PDZD2: variants seen among roughly 807,000 people sequenced by gnomAD.
PDZD2 encodes the protein PDZ domain containing 2, also known as PDZ domain-containing protein 2.
PDZD2 carries 90 observed loss-of-function variants against 220.7 expected under a neutral mutation model. The ratio of observed to expected loss-of-function variants is 0.41; its 90% CI spans 0.34 to 0.49. The LOEUF (loss-of-function observed/expected upper bound fraction) is 0.49, where lower values mean the gene tolerates loss of function less well. PDZD2 is among the 20% of genes least tolerant of loss of function. The pLI is 0.28. For missense variants in PDZD2, 3,174 were observed against 3,608.5 expected (o/e 0.88, Z 3.08); for synonymous variants, 1,375 against 1,450.5 (o/e 0.95, Z 1.18).
chr5:31,940,877 G>A (rs1267335494), intron 2 of PDZD2, among the ~76,000 whole-genome samples: 1 of 152,154 alleles, frequency 6.6e-6, no homozygotes, highest in Middle Eastern at 3.2e-3. Context: ...TTGTGTTTAT[G>A]TATTGTGTTT....
At chr5:31,784,524 T>G (rs1246607668) in intron 1 of PDZD2, among the ~76,000 whole-genome samples, 2 of 152,178 alleles carry the variant, frequency 1.3e-5, no homozygotes, top group Non-Finnish European at 2.9e-5. Context: ...TACTTATTGA[T>G]GTCATAATGT....
intron 2 of PDZD2, among the ~76,000 whole-genome samples, chr5:31,818,192 G>A (rs1018326133): frequency 6.6e-6 from 1 of 151,884 alleles, no homozygotes; most frequent in African/African-American, 2.4e-5. Context: ...GGCTGGTGTT[G>A]AACTCCTGGG....
At chr5:31,845,357 T>TTCTTATTCCACTACGTCTC (rs1757527973) in intron 2 of PDZD2, among the ~76,000 whole-genome samples, 1 of 152,180 alleles carries the variant, frequency 6.6e-6, no homozygotes, top group Non-Finnish European at 1.5e-5. Context: ...ACCTAGGTCT[T>TTCTTATTCCACTACGTCTC]TCTTATTCCA....
intron 24 of PDZD2, among the ~76,000 whole-genome samples, chr5:32,105,783 G>A (rs922247999): frequency 3.3e-5 from 5 of 152,184 alleles, no homozygotes; most frequent in African/African-American, 1.2e-4. Context: ...ATGAGTAAAT[G>A]GAGAGAGAGA....
intron 5 of PDZD2, among the ~76,000 whole-genome samples, chr5:32,003,227 A>C (rs566502713): frequency 0.013 from 17 of 1,348 alleles, no homozygotes; most frequent in Non-Finnish European, 0.024. Flanking sequence ...CCCACACACC[A>C]ACATATACCT....
At chr5:31,902,153 G>A (rs1174255865) in intron 2 of PDZD2, among the ~76,000 whole-genome samples, 1 of 152,144 alleles carries the variant, frequency 6.6e-6, no homozygotes, top group African/African-American at 2.4e-5. Context: ...ACATTTTGAA[G>A]AACTGCTAAA....
At chr5:31,855,178 C>T (rs1384689113) in intron 2 of PDZD2, 10 of 924,964 alleles carry the variant, frequency 1.1e-5, no homozygotes, top group East Asian at 2.3e-4. Context: ...GGTAGGAAAT[C>T]GGCTTCTCAG....
chr5:31,789,039 A>G (rs1190214588), intron 1 of PDZD2, among the ~76,000 whole-genome samples: 2 of 152,228 alleles, frequency 1.3e-5, no homozygotes, highest in East Asian at 1.9e-4. Context: ...TTATTCAGCT[A>G]TAACAGAATA....
At chr5:31,959,879 T>C (rs1459524626) in intron 2 of PDZD2, among the ~76,000 whole-genome samples, 3 of 152,092 alleles carry the variant, frequency 2.0e-5, no homozygotes, top group African/African-American at 7.2e-5. Flanking sequence ...CATACCTCTC[T>C]CTCAGTTTCT....
At chr5:31,685,318 A>G (rs1295570136) in intron 1 of PDZD2, among the ~76,000 whole-genome samples, 1 of 152,216 alleles carries the variant, frequency 6.6e-6, no homozygotes, top group African/African-American at 2.4e-5. Context: ...CTTTTTATTT[A>G]AAAGCAAGCT....
chr5:31,751,112 C>T (rs911743883), intron 1 of PDZD2, among the ~76,000 whole-genome samples: 13 of 151,990 alleles, frequency 8.6e-5, no homozygotes, highest in African/African-American at 2.2e-4. Flanking sequence ...CGTGGTGGCA[C>T]GCGCCTGTAG....
At chr5:31,940,341 C>G (rs1345300601) in intron 2 of PDZD2, among the ~76,000 whole-genome samples, 1 of 152,198 alleles carries the variant, frequency 6.6e-6, no homozygotes, top group Non-Finnish European at 1.5e-5. Flanking sequence ...ATGGGTGCCT[C>G]ACTGGATAGC....
At chr5:31,670,928 C>G (rs1485457082) in intron 1 of PDZD2, among the ~76,000 whole-genome samples, 1 of 152,044 alleles carries the variant, frequency 6.6e-6, no homozygotes, top group African/African-American at 2.4e-5. Context: ...CAGAATTGCC[C>G]CACCAAGACC....
chr5:31,744,941 T>C lies in PDZD2; in HGVS notation c.-360-53948T>C, dbSNP rs1223720781. On this transcript the variant is annotated intron_variant, in intron 1 of 24. Coordinates refer to ENST00000438447, the MANE Select transcript of PDZD2 (RefSeq NM_178140.4). The stretch of plus-strand genomic sequence containing the variant: ...AAAAAAAATTAGCCGGGCGTGGTGG[T>C]GGGCACCTGTAATCCCAGCTACTCA... Among the ~76,000 whole-genome samples, 5 of 151,998 alleles carry C rather than the reference T, an allele frequency of 3.3e-5. No individual in the cohort carries two copies. In the East Asian group the frequency reaches 5.8e-4, roughly 18 times the overall value.
At chr5:31,877,209 TTTTG>T (rs903417095) in intron 2 of PDZD2, among the ~76,000 whole-genome samples, 61 of 152,198 alleles carry the variant, frequency 4.0e-4, no homozygotes, top group East Asian at 7.7e-4. Context: ...AAAGTTGTTT[TTTTG>T]TTTGTTTGTT....
At chr5:31,884,913 G>A (rs907829161) in intron 2 of PDZD2, among the ~76,000 whole-genome samples, 1 of 152,058 alleles carries the variant, frequency 6.6e-6, no homozygotes, top group Non-Finnish European at 1.5e-5. Flanking sequence ...AAAGTGCTGG[G>A]ATTATAGGTA....
Position 31,817,389 on chromosome 5 carries a change from G to A in PDZD2, c.476+17665G>A, listed in dbSNP as rs1267619964. Among the ~76,000 whole-genome samples, 3 of 151,664 alleles carry A rather than the reference G, an allele frequency of 2.0e-5. No individual in the cohort carries two copies. The East Asian group carries it at 5.9e-4, about 30-fold the overall frequency. On this transcript the variant is annotated intron_variant, in intron 2 of 24. Coordinates refer to ENST00000438447, the MANE Select transcript of PDZD2 (RefSeq NM_178140.4). ...GATCCCTGTAATCCCAGCTACTTGG[G>A]AGGCTGAGGTGGGAGGATCCCTTGA...
intron 1 of PDZD2, among the ~76,000 whole-genome samples, chr5:31,776,449 A>ATTTT (rs1288096078): frequency 2.5e-4 from 32 of 125,772 alleles, no homozygotes; most frequent in Non-Finnish European, 4.5e-4. Flanking sequence ...TTGTGTTTTT[A>ATTTT]TTTTATTTAT....
At chr5:31,826,114 G>T (rs1284654126) in intron 2 of PDZD2, among the ~76,000 whole-genome samples, 3 of 152,070 alleles carry the variant, frequency 2.0e-5, no homozygotes, top group Admixed American at 2.0e-4. Flanking sequence ...TAAATATCTG[G>T]GTCCCTCTTC....
Sources: allele counts gnomAD v4.1 joint callset (sites outside exome capture counted in the v4.1 genomes callset), GRCh38; gene constraint gnomAD v4.1.1; transcripts MANE v1.5; gene names NCBI Gene and HGNC (gene_info 2026-07-23, HGNC 2026-07-21).